The following EVC2 variants were observed in gnomAD, a reference collection of about 807,000 sequenced individuals.
The protein encoded by EVC2 is EvC ciliary complex subunit 2, also known as limbin.
A neutral mutation model predicts 149.3 loss-of-function variants in EVC2; 148 were observed. The ratio of observed to expected loss-of-function variants is 0.99; its 90% CI spans 0.87 to 1.14. EVC2 has a LOEUF of 1.14. Among genes scored for constraint, EVC2 ranks in the 50% most tolerant of loss-of-function variants. The probability of loss-of-function intolerance (pLI) is 0.00; values close to 1 mark genes in which losing one functional copy is unlikely to be tolerated. For missense variants in EVC2, 1,854 were observed against 1,627.3 expected, an observed-to-expected ratio of 1.14 and a Z score of -2.40; for synonymous variants, 776 against 649.9, an observed-to-expected ratio of 1.19 and a Z score of -2.95.
intron 1 of EVC2, among the ~76,000 whole-genome samples, chr4:5,700,692 G>T (rs925748346): frequency 6.6e-6 from 1 of 152,090 alleles, no homozygotes; most frequent in African/African-American, 2.4e-5. Context: ...GTACCTCTCT[G>T]GGGACTCCAG....
intron 6 of EVC2, among the ~76,000 whole-genome samples, chr4:5,683,510 G>T (rs1192312162): frequency 1.3e-5 from 2 of 152,214 alleles, no homozygotes; most frequent in African/African-American, 4.8e-5. Flanking sequence ...ATTACGTGCA[G>T]GGTTCTCTTT....
At chr4:5,632,460 C>G (rs1354445557) in intron 10 of EVC2, among the ~76,000 whole-genome samples, 1 of 152,156 alleles carries the variant, frequency 6.6e-6, no homozygotes, top group African/African-American at 2.4e-5. Context: ...TAAATGTTTT[C>G]TAGAATAATC....
chr4:5,546,522 A>T (rs544870825), intron 21 of EVC2, among the ~76,000 whole-genome samples: 1 of 152,124 alleles, frequency 6.6e-6, no homozygotes, highest in East Asian at 1.9e-4. Context: ...CAATGAGAAC[A>T]CATGGACACA....
chr4:5,540,372 T>TA (rs1721491405), downstream of EVC2, among the ~76,000 whole-genome samples: 3 of 152,330 alleles, frequency 2.0e-5, no homozygotes, highest in South Asian at 6.2e-4. Context: ...CACAAATACA[T>TA]ACACAAACGT....
At chr4:5,555,089 T>C (rs1384212839) in intron 21 of EVC2, among the ~76,000 whole-genome samples, 1 of 151,620 alleles carries the variant, frequency 6.6e-6, no homozygotes, top group African/African-American at 2.4e-5. Context: ...ATCATCTCCA[T>C]AGTAGAAGGT....
chr4:5,584,834 A>G lies in EVC2; in HGVS notation c.2846T>C (p.Leu949Pro), dbSNP rs1712135080. The change falls in exon 17 of 22, where the codon CTG becomes CCG. Residue 949 changes from leucine (L) to proline (P), a missense_variant. Physicochemically the swap from Leu to Pro is moderately conservative, Grantham distance 98. Coordinates refer to ENST00000344408, the MANE Select transcript of EVC2 (RefSeq NM_147127.5). ...DLVEKVRGEL[L>P]RERVQRMEAQ... The stretch of plus-strand genomic sequence containing the variant: ...CTCCATCCGCTGCACTCTCTCCCGC[A>G]GCAATTCACCTCGAACCTGGGAGGG... 1 of 1,614,054 alleles carries G rather than the reference A, an allele frequency of 6.2e-7. No homozygotes were observed. Among genetic ancestry groups the G allele is most frequent in the Non-Finnish European group, 8.5e-7 (1 of 1,180,032 alleles).
Position 5,703,422 on chromosome 4 carries a change from T to C in EVC2, c.228+4864A>G, listed in dbSNP as rs143871155. On this transcript the variant is annotated intron_variant, in intron 1 of 21. Transcript: ENST00000344408. ...AGACTCAGGCACGTTGAGTGCTACA[T>C]CCCCAGGAGCTGCACAGAAGCATCA... Among the ~76,000 whole-genome samples the C allele has an allele frequency of 9.0e-3, 1,374 of 152,228 alleles. 22 individuals are homozygous for C. Among genetic ancestry groups the C allele is most frequent in the African/African-American group, 0.031 (1,296 of 41,530 alleles).
rs560791275 is a variant in EVC2 at position 5,567,475 on chromosome 4, C to T, written c.3557+969G>A. 6.6e-6 allele frequency among the ~76,000 whole-genome samples: 1 copy of T among 152,186 alleles called. No homozygotes were observed. Among genetic ancestry groups the T allele is most frequent in the Admixed American group, 6.5e-5 (1 of 15,282 alleles). ...CTCCCAGATGCCCTCCTGGCCTCCT[C>T]TGCATCCTTGCTGAGGCTGTGAGCT... is the stretch of plus-strand genomic sequence containing the variant. On this transcript the variant is annotated intron_variant, in intron 20 of 21. Coordinates refer to ENST00000344408, the MANE Select transcript of EVC2 (RefSeq NM_147127.5). This position sits in a 1 kb window ranked among gnomAD's most constrained non-coding sequence, Gnocchi z 4.4.
chr4:5,586,580 T>C (rs1409759771), intron 16 of EVC2, among the ~76,000 whole-genome samples: 1 of 152,184 alleles, frequency 6.6e-6, no homozygotes, highest in Non-Finnish European at 1.5e-5. Flanking sequence ...AAGAAACATT[T>C]ACAATCGATT....
chr4:5,608,777 C>T (rs936268359), intron 16 of EVC2, among the ~76,000 whole-genome samples: 7 of 152,076 alleles, frequency 4.6e-5, no homozygotes, highest in Admixed American at 1.3e-4. Context: ...AAGTGATTCA[C>T]CCGCCTCGGC....
At chr4:5,587,021 C>A (rs186929884) in intron 16 of EVC2, among the ~76,000 whole-genome samples, 592 of 152,224 alleles carry the variant, frequency 3.9e-3, no homozygotes, top group Non-Finnish European at 6.2e-3. Context: ...GGTCTTTGTG[C>A]TTTTTCTGTC....
At chr4:5,629,953 A>C (rs530172732) in intron 11 of EVC2, among the ~76,000 whole-genome samples, 1 of 152,232 alleles carries the variant, frequency 6.6e-6, no homozygotes, top group African/African-American at 2.4e-5. Context: ...TTCTGGCATA[A>C]TATCATTCAC....
the EVC2 span, among the ~76,000 whole-genome samples, chr4:5,536,089 C>T: frequency 6.6e-6 from 1 of 152,028 alleles, no homozygotes; most frequent in African/African-American, 2.4e-5. Context: ...TTCACTACAA[C>T]CAGCACTTTA....
intron 9 of EVC2, among the ~76,000 whole-genome samples, chr4:5,646,080 T>C (rs114262054): frequency 0.077 from 11,657 of 152,164 alleles, 1,505 homozygotes; most frequent in African/African-American, 0.26. Context: ...TACAGGCGTG[T>C]GCCACCACGT....
chr4:5,540,688 G>A (rs1316541053), downstream of EVC2, among the ~76,000 whole-genome samples: 4 of 152,134 alleles, frequency 2.6e-5, no homozygotes, highest in African/African-American at 4.8e-5. Context: ...ATTTACCAAG[G>A]GCCACAAGGA....
intron 7 of EVC2, among the ~76,000 whole-genome samples, chr4:5,672,266 C>T (rs371044839): frequency 6.6e-6 from 1 of 152,194 alleles, no homozygotes; most frequent in Non-Finnish European, 1.5e-5. Context: ...CTGGCCTGAA[C>T]AAGGCCTGAA....
In EVC2 at chr4:5,686,749, G is replaced by T. The variant is rs1044643945; in HGVS notation, c.707-1270C>A. 4.0e-5 allele frequency among the ~76,000 whole-genome samples: 6 copies of T among 151,804 alleles called. No homozygotes were observed. The highest frequency in any genetic ancestry group is 7.4e-5 in the Non-Finnish European group (5 of 67,996). ...AATGTCAATGAACTGGGACCTGACT[G>T]GTCATTTGATTTTATAGTTATCTAC... On this transcript the variant is annotated intron_variant, in intron 5 of 21. Transcript: ENST00000344408. The surrounding 1 kb of genome is among the most constrained non-coding windows in gnomAD (Gnocchi z 5.4).
chr4:5,572,309 T>A lies in EVC2; in HGVS notation c.3360+2376A>T, dbSNP rs74764839. ...GAGTGCTATTGTTTGAACATTTGTG[T>A]CTCTTCCAAAACTCATGTTGAAACT... On this transcript the variant is annotated intron_variant, in intron 19 of 21. Transcript: ENST00000344408. Among the ~76,000 whole-genome samples the A allele has an allele frequency of 7.1e-3, 1,086 of 152,298 alleles. 7 individuals are homozygous for A. The highest frequency in any genetic ancestry group is 0.025 in the African/African-American group (1,024 of 41,556).
At chr4:5,684,737 GC>G (rs1720577920) in intron 6 of EVC2, among the ~76,000 whole-genome samples, 1 of 152,192 alleles carries the variant, frequency 6.6e-6, no homozygotes, top group Admixed American at 6.5e-5. Context: ...GAAGTCCAGT[GC>G]CCTAGGATGG....
Sources: allele counts gnomAD v4.1 joint callset (sites outside exome capture counted in the v4.1 genomes callset), GRCh38; gene constraint gnomAD v4.1.1; non-coding constraint Gnocchi (gnomAD v3.1); transcripts MANE v1.5; gene names NCBI Gene and HGNC (gene_info 2026-07-23, HGNC 2026-07-21).